Variants in PIP4K2A observed in about 807,000 individuals in gnomAD.
PIP4K2A encodes phosphatidylinositol 5-phosphate 4-kinase type-2 alpha.
In PIP4K2A, 14 loss-of-function variants were observed where a neutral mutation model predicts 42.9. That is an observed-to-expected ratio of 0.33 (90% CI 0.22 to 0.51). The LOEUF (loss-of-function observed/expected upper bound fraction) is 0.51, where lower values mean the gene tolerates loss of function less well. Ranked by LOEUF, PIP4K2A falls within the 20% of genes least tolerant of loss-of-function variation. PIP4K2A has a pLI of 0.97. For missense variants in PIP4K2A, 434 were observed against 519.8 expected, an observed-to-expected ratio of 0.83 and a Z score of 1.61; for synonymous variants, 192 against 192.2, an observed-to-expected ratio of 1.00 and a Z score of 0.01.
intron 1 of PIP4K2A, among the ~76,000 whole-genome samples, chr10:22,704,989 G>A (rs1265006799): frequency 3.9e-5 from 6 of 152,148 alleles, no homozygotes; most frequent in African/African-American, 1.2e-4. Flanking sequence ...TAGACTGACG[G>A]ACCCAGCTGT....
chr10:22,559,531 C>A (rs1263366808), intron 6 of PIP4K2A, among the ~76,000 whole-genome samples: 3 of 152,170 alleles, frequency 2.0e-5, no homozygotes, highest in Non-Finnish European at 4.4e-5. Flanking sequence ...GTGATCCTCT[C>A]TTTTTGTCAC....
At chr10:22,636,743 C>T (rs1482589779) in intron 1 of PIP4K2A, among the ~76,000 whole-genome samples, 4 of 152,198 alleles carry the variant, frequency 2.6e-5, no homozygotes, top group Non-Finnish European at 5.9e-5. Context: ...TAACGGTCCC[C>T]GATGAATCAC....
intron 4 of PIP4K2A, among the ~76,000 whole-genome samples, chr10:22,580,407 C>T (rs567319625): frequency 3.3e-5 from 5 of 151,976 alleles, no homozygotes; most frequent in Admixed American, 6.5e-5. Context: ...CCCGGTAATT[C>T]GGGAGGCCAA....
rs565154069 is a variant in PIP4K2A, at chr10:22,588,914, G to A, written c.492+2715C>T. ...CAATTTTGTAGCAGTGGAACAGAAG[G>A]AAGTCTTTATACTGTTAAAGCCCCT... On this transcript the variant is annotated intron_variant, in intron 4 of 9. Transcript: ENST00000376573. Among the ~76,000 whole-genome samples the A allele has an allele frequency of 9.1e-4, 139 of 152,296 alleles. 3 individuals are homozygous for A. The South Asian group carries it at 0.028, about 30-fold the overall frequency.
At chr10:22,559,417 T>C (rs1328670921) in intron 6 of PIP4K2A, among the ~76,000 whole-genome samples, 1 of 152,116 alleles carries the variant, frequency 6.6e-6, no homozygotes, top group Non-Finnish European at 1.5e-5. Flanking sequence ...CTGAGGCAAA[T>C]GAGAGCTGAT....
chr10:22,647,308 C>CTG (rs747952978), intron 1 of PIP4K2A, among the ~76,000 whole-genome samples: 2,545 of 140,314 alleles, frequency 0.018, 31 homozygotes, highest in Middle Eastern at 0.071. Flanking sequence ...TCTCTAAATA[C>CTG]TGTGTGTGTG....
At chr10:22,590,542 C>A (rs1837487730) in intron 4 of PIP4K2A, among the ~76,000 whole-genome samples, 1 of 152,114 alleles carries the variant, frequency 6.6e-6, no homozygotes. Context: ...TTATTATTAT[C>A]CCGACTGTAT....
chr10:22,560,042 A>G (rs1245274733), intron 6 of PIP4K2A, among the ~76,000 whole-genome samples: 1 of 152,194 alleles, frequency 6.6e-6, no homozygotes, highest in African/African-American at 2.4e-5. Flanking sequence ...GGTCTGAGAA[A>G]GAAGCCCTGC....
chr10:22,589,289 C>T (rs1837461454), intron 4 of PIP4K2A, among the ~76,000 whole-genome samples: 1 of 152,136 alleles, frequency 6.6e-6, no homozygotes, highest in African/African-American at 2.4e-5. Flanking sequence ...AAAAAGTAGA[C>T]AGTTTAAAAG....
chr10:22,623,288 G>T (rs1838369710), intron 1 of PIP4K2A, among the ~76,000 whole-genome samples: 1 of 152,038 alleles, frequency 6.6e-6, no homozygotes, highest in East Asian at 1.9e-4. Context: ...CACCTGTAAT[G>T]GTGAGCTTCC....
At position 22,714,258 on chromosome 10, in the gene PIP4K2A, G is replaced by T. The variant is rs748177306; in HGVS notation, c.69C>A (p.Phe23Leu). Residue 23 changes from phenylalanine to leucine, a missense_variant, in exon 1 of 10, where the codon TTC becomes TTA. By Grantham distance (22) the Phe-to-Leu change is conservative. Transcript: ENST00000376573. ...ASKTKTKKKH[F>L]VAQKVKLFRA... is the part of the protein sequence containing the mutation. ...GAAACAGCTTCACTTTCTGCGCTAC[G>T]AAGTGCTTCTTCTTGGTCTTGGTCT... 6.2e-7 allele frequency: 1 copy of T among 1,612,788 alleles called. No homozygotes were observed. The highest frequency in any genetic ancestry group is 1.7e-5 in the Admixed American group (1 of 59,938).
chr10:22,701,190 G>C (rs1833708786), intron 1 of PIP4K2A, among the ~76,000 whole-genome samples: 1 of 152,188 alleles, frequency 6.6e-6, no homozygotes, highest in African/African-American at 2.4e-5. Context: ...AAGAGGGGCA[G>C]GGGTATCCCG....
chr10:22,650,205 A>C (rs1329753777), intron 1 of PIP4K2A, among the ~76,000 whole-genome samples: 1 of 152,146 alleles, frequency 6.6e-6, no homozygotes, highest in Non-Finnish European at 1.5e-5. Context: ...AGAGGTATTT[A>C]CAAGCAGGTG....
At chr10:22,692,565 T>C (rs1839894607) in intron 1 of PIP4K2A, among the ~76,000 whole-genome samples, 1 of 152,364 alleles carries the variant, frequency 6.6e-6, no homozygotes, top group East Asian at 1.9e-4. Flanking sequence ...TAGATTCTTC[T>C]GTGAAAGGGG....
rs188862355 is a variant in PIP4K2A at position 22,678,312 on chromosome 10, G to A, written c.144+35871C>T. ...AGCAGATACGGCACCACACATGTGC[G>A]TGTCTTCATGTGGTCCCTGAATTCT... is the stretch of plus-strand genomic sequence containing the variant. On this transcript the variant is annotated intron_variant, in intron 1 of 9. Transcript: ENST00000376573. Among the ~76,000 whole-genome samples, 21 of 151,908 alleles carry A rather than the reference G, an allele frequency of 1.4e-4. No individual in the cohort carries two copies. In the East Asian group the frequency reaches 2.3e-3, roughly 17 times the overall value.
chr10:22,554,503 A>T (rs771681981), intron 6 of PIP4K2A, among the ~76,000 whole-genome samples: 1 of 152,134 alleles, frequency 6.6e-6, no homozygotes, highest in Non-Finnish European at 1.5e-5. Context: ...TTCTTTAATG[A>T]GTGTCTTTGA....
chr10:22,591,475 C>T (rs1280879746), intron 4 of PIP4K2A, among the ~76,000 whole-genome samples, 154 bp downstream of exon 4: 1 of 152,178 alleles, frequency 6.6e-6, no homozygotes, highest in African/African-American at 2.4e-5. Flanking sequence ...GGAATCTGGC[C>T]ACTGTAATTT....
At position 22,708,717 on chromosome 10, in the gene PIP4K2A, G is replaced by T. The variant is rs370433772; in HGVS notation, c.144+5466C>A. On this transcript the variant is annotated intron_variant, in intron 1 of 9. Transcript: ENST00000376573. Reference sequence around the variant, plus strand: ...CCTGCAGCATCAGTACCACCCGAGAGTATGATAAATGCACAGTCTCAGGCA... The same window carrying T: ...CCTGCAGCATCAGTACCACCCGAGATTATGATAAATGCACAGTCTCAGGCA... Among the ~76,000 whole-genome samples the T allele has an allele frequency of 2.6e-5, 4 of 152,258 alleles. No homozygotes were observed. In the East Asian group the frequency reaches 5.8e-4, roughly 22 times the overall value.
chr10:22,638,232 A>G (rs548002284), intron 1 of PIP4K2A, among the ~76,000 whole-genome samples: 172 of 152,352 alleles, frequency 1.1e-3, no homozygotes, highest in Admixed American at 3.4e-3. Context: ...TATAGAAAGC[A>G]TTGGGTTTTG....
Sources: allele counts gnomAD v4.1 joint callset (sites outside exome capture counted in the v4.1 genomes callset), GRCh38; gene constraint gnomAD v4.1.1; transcripts MANE v1.5; gene names NCBI Gene and HGNC (gene_info 2026-07-23, HGNC 2026-07-21).